Variants in PHTF2 observed in about 807,000 individuals in gnomAD.
The protein encoded by PHTF2 is protein PHTF2.
A neutral mutation model predicts 101.2 loss-of-function variants in PHTF2; 60 were observed. The ratio of observed to expected loss-of-function variants is 0.59; its 90% CI spans 0.48 to 0.73. The LOEUF is 0.73. Among genes scored for constraint, PHTF2 ranks in the 30% least tolerant of loss-of-function variants. PHTF2 has a pLI of 0.00. For missense variants in PHTF2, 747 were observed against 908.7 expected (o/e 0.82, Z 2.29); for synonymous variants, 311 against 307.3 (o/e 1.01, Z -0.13).
chr7:77,907,904 A>G (rs1040779318), intron 7 of PHTF2: 6 of 152,016 alleles, frequency 3.9e-5, no homozygotes, highest in African/African-American at 1.4e-4. Context: ...GGCTCGGATA[A>G]TATCTTCACT....
chr7:77,880,872 G>A (rs762730222), intron 3 of PHTF2, among the ~76,000 whole-genome samples: 9 of 152,134 alleles, frequency 5.9e-5, no homozygotes, highest in Non-Finnish European at 1.5e-5. Context: ...GAGTATGTGT[G>A]GATATTTAAA....
chr7:77,870,474 A>G (rs1466920849), intron 3 of PHTF2, among the ~76,000 whole-genome samples: 1 of 152,176 alleles, frequency 6.6e-6, no homozygotes, highest in Non-Finnish European at 1.5e-5. Context: ...AGAAAGATAT[A>G]GGCTGGGAGG....
At chr7:77,934,476 A>G (rs902300926) in intron 12 of PHTF2, among the ~76,000 whole-genome samples, 1 of 152,218 alleles carries the variant, frequency 6.6e-6, no homozygotes, top group Non-Finnish European at 1.5e-5. Context: ...TTTATTTGAA[A>G]TAAAACATGC....
intron 9 of PHTF2, among the ~76,000 whole-genome samples, chr7:77,916,130 T>C (rs1475486459): frequency 6.6e-6 from 1 of 152,220 alleles, no homozygotes; most frequent in Non-Finnish European, 1.5e-5. Context: ...TATTTTAAAA[T>C]CAAAATGCTT....
intron 3 of PHTF2, among the ~76,000 whole-genome samples, chr7:77,868,723 T>C (rs1798278779): frequency 6.6e-6 from 1 of 152,138 alleles, no homozygotes; most frequent in Non-Finnish European, 1.5e-5. Context: ...CATTAGATAA[T>C]GGAAAGCCTA....
At chr7:77,952,292 TC>T (rs1806619072) in intron 18 of PHTF2, among the ~76,000 whole-genome samples, 1 of 152,176 alleles carries the variant, frequency 6.6e-6, no homozygotes, top group South Asian at 2.1e-4. Context: ...AATTTCAACT[TC>T]TATAACCAAT....
intron 5 of PHTF2, 84 bp downstream of exon 4, chr7:77,894,077 T>G (rs781175009): frequency 9.8e-7 from 1 of 1,019,852 alleles, no homozygotes; most frequent in Non-Finnish European, 1.6e-6. Context: ...TTGGTGCTAC[T>G]AACAGATTGA....
chr7:77,860,545 A>G (rs1797553797), intron 3 of PHTF2, among the ~76,000 whole-genome samples: 1 of 152,156 alleles, frequency 6.6e-6, no homozygotes, highest in Non-Finnish European at 1.5e-5. Flanking sequence ...ATCCTTTTAA[A>G]ATTGCTGTGA....
At chr7:77,956,813 T>A (rs1179505249) in exon 20 of PHTF2, 1 of 152,464 alleles carries the variant, frequency 6.6e-6, no homozygotes, top group Non-Finnish European at 1.5e-5. Flanking sequence ...AATGGAAATA[T>A]TTTTGAGAAA....
intron 5 of PHTF2, chr7:77,895,746 C>T (rs1037592469): frequency 6.6e-6 from 1 of 152,082 alleles, no homozygotes; most frequent in Non-Finnish European, 1.5e-5. Flanking sequence ...ATATTAGTTA[C>T]TACTTGGTGC....
At chr7:77,827,918 A>G (rs1227884884) in intron 1 of PHTF2, among the ~76,000 whole-genome samples, 1 of 152,216 alleles carries the variant, frequency 6.6e-6, no homozygotes, top group Non-Finnish European at 1.5e-5. Flanking sequence ...TGCTGGGATT[A>G]CAGGTGCGAG....
At chr7:77,936,802 T>G (rs1474485644) in intron 12 of PHTF2, among the ~76,000 whole-genome samples, 1 of 151,470 alleles carries the variant, frequency 6.6e-6, no homozygotes, top group African/African-American at 2.4e-5. Context: ...AGTCTGATTA[T>G]ATAAAGGTTT....
chr7:77,881,251 A>G (rs531243126), intron 3 of PHTF2, among the ~76,000 whole-genome samples: 139 of 152,240 alleles, frequency 9.1e-4, no homozygotes, highest in Middle Eastern at 6.8e-3. Flanking sequence ...CTTAATTAGT[A>G]TATTGTCCCA....
chr7:77,946,808 A>G (rs2150987258), intron 16 of PHTF2, among the ~76,000 whole-genome samples: 1 of 152,326 alleles, frequency 6.6e-6, no homozygotes, highest in South Asian at 2.1e-4. Flanking sequence ...TCTGTTATAT[A>G]CAGAAATAGA....
intron 3 of PHTF2, among the ~76,000 whole-genome samples, chr7:77,891,837 C>T (rs1363891365): frequency 6.6e-6 from 1 of 152,146 alleles, no homozygotes; most frequent in African/African-American, 2.4e-5. Context: ...TCTCCCACCT[C>T]AACCTCCCAA....
At chr7:77,926,950 G>A (rs1804060530) in intron 11 of PHTF2, among the ~76,000 whole-genome samples, 1 of 151,858 alleles carries the variant, frequency 6.6e-6, no homozygotes, top group South Asian at 2.1e-4. Context: ...TTGAGGTTGC[G>A]AATTCCAGAC....
At position 77,953,900 on chromosome 7, in the gene PHTF2, A is replaced by C. The variant is rs745381721; in HGVS notation, c.2337+6A>C. On this transcript the variant is annotated splice_donor_region_variant and intron_variant, in intron 19 of 19. Coordinates refer to ENST00000416283, the Ensembl canonical transcript of PHTF2. ...TGCTTGGATTTAATTTAAAGGTAAG[A>C]GGTTGCAAGTACTTTTTATTTCTTA... 1.2e-6 allele frequency: 2 copies of C among 1,612,558 alleles called. No individual in the cohort carries two copies. Among genetic ancestry groups the C allele is most frequent in the Non-Finnish European group, 1.7e-6 (2 of 1,179,310 alleles).
intron 10 of PHTF2, 29 bp from the exon 10 acceptor site, chr7:77,922,594 A>G (rs369384362): frequency 4.5e-6 from 7 of 1,572,894 alleles, no homozygotes; most frequent in Non-Finnish European, 4.3e-6. Flanking sequence ...GAAATTACCT[A>G]TAATCCTCTT....
chr7:77,906,212 TC>T (rs1264730670), intron 7 of PHTF2: 1 of 152,292 alleles, frequency 6.6e-6, no homozygotes, highest in African/African-American at 2.4e-5. Flanking sequence ...GGTCTCAAAC[TC>T]CTGACCTCGT....
Sources: gnomAD v4.1 joint callset for allele counts (sites outside exome capture counted in the v4.1 genomes callset) on GRCh38, gnomAD v4.1.1 for gene constraint, MANE v1.5 for transcripts, NCBI Gene and HGNC (gene_info 2026-07-23, HGNC 2026-07-21) for gene names.